The following GPC5 variants were observed in gnomAD, a reference collection of about 807,000 sequenced individuals.
The protein encoded by GPC5 is glypican-5.
In GPC5, 47 loss-of-function variants were observed where a neutral mutation model predicts 53.9. The ratio of observed to expected loss-of-function variants is 0.87; its 90% CI spans 0.69 to 1.11. The LOEUF (loss-of-function observed/expected upper bound fraction) is 1.11. Ranked by LOEUF, GPC5 falls within the 50% of genes most tolerant of loss-of-function variation. GPC5 has a pLI of 0.00. For missense variants in GPC5, 748 were observed against 713.1 expected (o/e 1.05, Z -0.56); for synonymous variants, 286 against 263.3 (o/e 1.09, Z -0.84).
At chr13:92,061,825 T>A (rs568912707) in intron 6 of GPC5, among the ~76,000 whole-genome samples, 5 of 152,142 alleles carry the variant, frequency 3.3e-5, no homozygotes, top group South Asian at 4.1e-4. Context: ...CAAATAAGTC[T>A]GTGGGCCTCA....
At position 92,446,655 on chromosome 13, in the gene GPC5, A is replaced by T. The variant is rs1477453884; in HGVS notation, c.1561+301666A>T. The T allele has an allele frequency of 2.6e-5, 4 of 152,192 alleles. No individual in the cohort carries two copies. The East Asian group carries it at 7.7e-4, about 29-fold the overall frequency. The allele number at this position is 152,192 out of a possible 1,614,324, so 9.4% of individuals were successfully genotyped here. A position where few individuals can be genotyped will look rare whatever the true frequency, so the allele number is the denominator to read the frequency against. Reference sequence around the variant, plus strand: ...CTTTTGCATGTATACCTAGCAGTGGAATTGCTGGTTCATACAGTAGTTCTA... The same window carrying T: ...CTTTTGCATGTATACCTAGCAGTGGTATTGCTGGTTCATACAGTAGTTCTA... On this transcript the variant is annotated intron_variant, in intron 7 of 7. Transcript: ENST00000377067.
At chr13:92,661,830 T>C (rs1886353998) in intron 7 of GPC5, among the ~76,000 whole-genome samples, 1 of 152,178 alleles carries the variant, frequency 6.6e-6, no homozygotes, top group African/African-American at 2.4e-5. Flanking sequence ...GAATACAGTG[T>C]GAATTTAAGT....
intron 5 of GPC5, among the ~76,000 whole-genome samples, chr13:91,791,771 G>A (rs2037968897): frequency 6.6e-6 from 1 of 151,908 alleles, no homozygotes; most frequent in Non-Finnish European, 1.5e-5. Flanking sequence ...ACATCTCAAA[G>A]TCCAGCATCT....
chr13:92,317,222 G>C (rs2043185194), intron 7 of GPC5, among the ~76,000 whole-genome samples: 2 of 152,252 alleles, frequency 1.3e-5, no homozygotes, highest in South Asian at 4.1e-4. Context: ...TCATCATCAT[G>C]ATAGATAGTG....
At chr13:92,724,789 G>A (rs949006675) in intron 7 of GPC5, among the ~76,000 whole-genome samples, 2 of 151,106 alleles carry the variant, frequency 1.3e-5, no homozygotes, top group African/African-American at 4.8e-5. Flanking sequence ...GAGAAGTGCT[G>A]TACAAGATGG....
At chr13:92,064,610 G>T (rs1030620959) in intron 6 of GPC5, among the ~76,000 whole-genome samples, 16 of 152,040 alleles carry the variant, frequency 1.1e-4, no homozygotes, top group African/African-American at 3.9e-4. Flanking sequence ...ACAAAAATTA[G>T]CTAGGCGTGG....
chr13:91,622,016 A>G lies in GPC5; in HGVS notation c.326-71171A>G, dbSNP rs562357609. ...TGAAGAACTTGGAGTCCGATGTTCA[A>G]GAGTAGGAAGCATCCAGCACAGGAG... On this transcript the variant is annotated intron_variant, in intron 2 of 7. Coordinates refer to ENST00000377067, the MANE Select transcript of GPC5 (RefSeq NM_004466.6). 2.0e-5 allele frequency among the ~76,000 whole-genome samples: 3 copies of G among 152,088 alleles called. No homozygotes were observed. In the South Asian group the frequency reaches 6.2e-4, roughly 32 times the overall value.
At chr13:91,656,926 G>A (rs903234002) in intron 2 of GPC5, among the ~76,000 whole-genome samples, 1 of 152,120 alleles carries the variant, frequency 6.6e-6, no homozygotes, top group African/African-American at 2.4e-5. Flanking sequence ...AACGATGAAG[G>A]CTGGCAATAC....
At chr13:91,564,116 A>C (rs1009036308) in intron 2 of GPC5, among the ~76,000 whole-genome samples, 8 of 152,128 alleles carry the variant, frequency 5.3e-5, no homozygotes, top group Non-Finnish European at 7.3e-5. Flanking sequence ...GACAGCACCC[A>C]ATGCCTTGCT....
chr13:91,976,977 T>G (rs981741647), intron 6 of GPC5, among the ~76,000 whole-genome samples: 1 of 151,692 alleles, frequency 6.6e-6, no homozygotes, highest in Admixed American at 6.6e-5. Flanking sequence ...AGATGGAGGT[T>G]TCAGTGAACC....
At chr13:92,589,763 T>C (rs929970984) in intron 7 of GPC5, among the ~76,000 whole-genome samples, 1 of 152,240 alleles carries the variant, frequency 6.6e-6, no homozygotes, top group African/African-American at 2.4e-5. Context: ...GAAGTCCACA[T>C]AGGATTCAGA....
At chr13:92,569,747 C>T (rs1464240878) in intron 7 of GPC5, among the ~76,000 whole-genome samples, 1 of 152,158 alleles carries the variant, frequency 6.6e-6, no homozygotes, top group African/African-American at 2.4e-5. Flanking sequence ...TGCCACTGTA[C>T]ATCTGCTAGA....
intron 2 of GPC5, among the ~76,000 whole-genome samples, chr13:91,603,557 A>G (rs2033249392): frequency 6.6e-6 from 1 of 152,246 alleles, no homozygotes; most frequent in East Asian, 1.9e-4. Context: ...TAAGGCCCAA[A>G]TGATGCAGGT....
Position 91,469,388 on chromosome 13 carries a change from C to T in GPC5, c.325+20466C>T, listed in dbSNP as rs545587065. On this transcript the variant is annotated intron_variant, in intron 2 of 7. Transcript: ENST00000377067. ...CCTTCCAAAGTGTTGAGATTACAGG[C>T]GTGAGTCGCTGCACCTGGCCTAATT... Among the ~76,000 whole-genome samples the T allele has an allele frequency of 3.3e-5, 5 of 152,130 alleles. No individual in the cohort carries two copies. In the South Asian group the frequency reaches 8.3e-4, roughly 25 times the overall value.
At chr13:91,962,921 A>G (rs1207852732) in intron 6 of GPC5, among the ~76,000 whole-genome samples, 2 of 152,078 alleles carry the variant, frequency 1.3e-5, no homozygotes, top group African/African-American at 4.8e-5. Flanking sequence ...TGATATATTT[A>G]AATGCCAGAA....
chr13:92,142,422 T>C (rs769058443), intron 6 of GPC5, among the ~76,000 whole-genome samples: 1 of 152,178 alleles, frequency 6.6e-6, no homozygotes, highest in Non-Finnish European at 1.5e-5. Flanking sequence ...AGTTAAAATA[T>C]AGTTTTGTGT....
At chr13:92,209,202 T>C (rs938688692) in intron 7 of GPC5, among the ~76,000 whole-genome samples, 12 of 152,350 alleles carry the variant, frequency 7.9e-5, no homozygotes, top group East Asian at 7.7e-4. Flanking sequence ...TATTTCTGAA[T>C]GCCTTAAATT....
At chr13:91,537,502 A>G (rs1886646692) in intron 2 of GPC5, among the ~76,000 whole-genome samples, 1 of 152,342 alleles carries the variant, frequency 6.6e-6, no homozygotes, top group Admixed American at 6.5e-5. Context: ...TAGACCTAGA[A>G]CAAGTAAAGA....
At chr13:91,668,710 A>G (rs1230016884) in intron 2 of GPC5, among the ~76,000 whole-genome samples, 1 of 152,212 alleles carries the variant, frequency 6.6e-6, no homozygotes, top group East Asian at 1.9e-4. Context: ...CCAGACTATC[A>G]TAACAATGTA....
Sources: allele counts gnomAD v4.1 joint callset (sites outside exome capture counted in the v4.1 genomes callset), GRCh38; gene constraint gnomAD v4.1.1; transcripts MANE v1.5; gene names NCBI Gene and HGNC (gene_info 2026-07-23, HGNC 2026-07-21).